The following NKIRAS2 variants were observed in gnomAD, a reference collection of about 807,000 sequenced individuals.
The protein encoded by NKIRAS2 is NFKB inhibitor interacting Ras like 2, also known as NF-kappa-B inhibitor-interacting Ras-like protein 2.
In NKIRAS2, 15 loss-of-function variants were observed where a neutral mutation model predicts 20.7. The observed-to-expected ratio is 0.73, with a 90% confidence interval of 0.49 to 1.12. The LOEUF (loss-of-function observed/expected upper bound fraction) is 1.12. NKIRAS2 is among the 50% of genes most tolerant of loss of function. The pLI is 0.00. For missense variants in NKIRAS2, 196 were observed against 249.6 expected (o/e 0.79, Z 1.45); for synonymous variants, 116 against 101.4 (o/e 1.14, Z -0.87).
In NKIRAS2 at chr17:42,023,949, G is replaced by A. The variant is rs1567980177; in HGVS notation, c.*56G>A. 6.3e-7 allele frequency: 1 copy of A among 1,592,384 alleles called. No homozygotes were observed. The highest frequency in any genetic ancestry group is 8.6e-7 in the Non-Finnish European group (1 of 1,168,914). ...CCCCATTTCAGTGTCTGGGGCTCTG[G>A]TAGATGTGTTGAGGGCAAAGTAGAG... On this transcript the variant is annotated 3_prime_UTR_variant, in exon 4 of 4. Transcript: ENST00000393885.
At chr17:42,021,380 G>A (rs2052444792) in intron 1 of NKIRAS2, 184 bp from the exon 2 acceptor site, 1 of 567,852 alleles carries the variant, frequency 1.8e-6, no homozygotes, top group Non-Finnish European at 3.2e-6. Flanking sequence ...GGATGGTGCT[G>A]AAACCCTGGA....
In NKIRAS2 at chr17:42,023,962, G is replaced by T; in HGVS notation, c.*69G>T. 6.4e-7 allele frequency: 1 copy of T among 1,571,926 alleles called. No individual in the cohort carries two copies. Among genetic ancestry groups the T allele is most frequent in the East Asian group, 2.2e-5 (1 of 44,448 alleles). On this transcript the variant is annotated 3_prime_UTR_variant, in exon 4 of 4. Transcript: ENST00000393885. ...TCTGGGGCTCTGGTAGATGTGTTGAGGGCAAAGTAGAGGACAAGCTGTCTT... is the reference window on the plus strand; with the variant it reads ...TCTGGGGCTCTGGTAGATGTGTTGATGGCAAAGTAGAGGACAAGCTGTCTT...
upstream of NKIRAS2, among the ~76,000 whole-genome samples, chr17:42,018,139 T>C (rs1356014747): frequency 6.6e-6 from 1 of 152,102 alleles, no homozygotes; most frequent in Non-Finnish European, 1.5e-5. Context: ...CCCTGGAGTT[T>C]ATAAGGAAGC....
chr17:42,023,840 T>G lies in NKIRAS2; in HGVS notation c.523T>G (p.Ser175Ala). Residue 175 changes from serine to alanine, a missense_variant, in exon 4 of 4, where the codon TCT (serine) becomes GCT (alanine). Coordinates refer to ENST00000393885, the MANE Select transcript of NKIRAS2 (RefSeq NM_017595.6). ...CAAGATGACGCAACCCCAGAGCAAGTCTGCCTTCCCCCTCAGCCGGAAGAA... is the reference window on the plus strand; with the variant it reads ...CAAGATGACGCAACCCCAGAGCAAGGCTGCCTTCCCCCTCAGCCGGAAGAA... ...ASKMTQPQSK[S>A]AFPLSRKNKG... 1 of 1,614,138 alleles carries G rather than the reference T, an allele frequency of 6.2e-7. No homozygotes were observed. The highest frequency in any genetic ancestry group is 1.1e-5 in the South Asian group (1 of 91,082).
chr17:42,018,039 C>G (rs1227691515), upstream of NKIRAS2, among the ~76,000 whole-genome samples: 1 of 152,152 alleles, frequency 6.6e-6, no homozygotes, highest in Non-Finnish European at 1.5e-5. Context: ...GACGCTGACC[C>G]TTTTACAAGG....
intron 2 of NKIRAS2, 159 bp downstream of exon 2, chr17:42,021,830 A>G: frequency 1.3e-6 from 1 of 787,198 alleles, no homozygotes. Flanking sequence ...ACACTGAACA[A>G]ATACGGAGGG....
chr17:42,025,293 CCTT>C lies in NKIRAS2; in HGVS notation c.*1404_*1406del, dbSNP rs782491005. On this transcript the variant is annotated 3_prime_UTR_variant, in exon 4 of 4. Transcript: ENST00000393885. ...TGGACAAGGTGCTCCTCTGGCCCCTCCTTCTTACCTCAGATGCCTGAACAGAAC... is the reference window on the plus strand; with the variant it reads ...TGGACAAGGTGCTCCTCTGGCCCCTCCTTACCTCAGATGCCTGAACAGAAC... 4.6e-5 allele frequency: 7 copies of C among 152,726 alleles called. No individual in the cohort carries two copies. Among genetic ancestry groups the C allele is most frequent in the South Asian group, 2.1e-4 (1 of 4,836 alleles). 9.5% of individuals were successfully genotyped at this position (152,726 alleles called of 1,614,324 possible). A position where few individuals can be genotyped will look rare whatever the true frequency, so the allele number is the denominator to read the frequency against.
upstream of NKIRAS2, chr17:42,017,612 C>T: frequency 1.5e-6 from 1 of 667,146 alleles, no homozygotes; most frequent in Non-Finnish European, 2.5e-6. Flanking sequence ...GGGCGGGAGC[C>T]CAGGGGCTGT....
At chr17:42,019,104 C>G (rs1555652552), upstream of NKIRAS2, among the ~76,000 whole-genome samples, 1 of 152,128 alleles carries the variant, frequency 6.6e-6, no homozygotes, top group Non-Finnish European at 1.5e-5. Flanking sequence ...AGGCGCTCAT[C>G]ATTTTTTAAA....
upstream of NKIRAS2, among the ~76,000 whole-genome samples, chr17:42,019,316 C>T (rs797039130): frequency 3.9e-5 from 6 of 152,142 alleles, no homozygotes; most frequent in African/African-American, 1.4e-4. Context: ...GAAAAAAAAA[C>T]TTGGAATACA....
intron 3 of NKIRAS2, chr17:42,023,033 C>T (rs1555653410): frequency 3.2e-6 from 1 of 307,902 alleles, no homozygotes; most frequent in East Asian, 9.1e-5. Context: ...GACAGGGTCT[C>T]ACTCTGCCAC....
chr17:42,022,492 G>A lies in NKIRAS2; in HGVS notation c.188G>A (p.Arg63Gln), dbSNP rs373712139. ...GAGCAGGTGCGTTTCTATGACACCCGGGGGCTCCGAGATGGGGCCGAACTG... is the reference window on the plus strand; with the variant it reads ...GAGCAGGTGCGTTTCTATGACACCCAGGGGCTCCGAGATGGGGCCGAACTG... Reference protein sequence around the residue: ...VREQVRFYDTRGLRDGAELPR... With the variant: ...VREQVRFYDTQGLRDGAELPR... The change falls in exon 3 of 4, where the codon CGG (arginine) becomes CAG (glutamine). Residue 63 changes from arginine (R) to glutamine (Q), a missense_variant. Physicochemically the swap from Arg to Gln is conservative, Grantham distance 43. Coordinates refer to ENST00000393885, the MANE Select transcript of NKIRAS2 (RefSeq NM_017595.6). The A allele has an allele frequency of 1.8e-5, 29 of 1,613,176 alleles. No homozygotes were observed. Among genetic ancestry groups the A allele is most frequent in the Admixed American group, 5.0e-5 (3 of 59,958 alleles).
intron 3 of NKIRAS2, 99 bp downstream of exon 3, chr17:42,022,739 G>A: frequency 6.9e-7 from 1 of 1,447,640 alleles, no homozygotes; most frequent in Non-Finnish European, 9.3e-7. Flanking sequence ...TTCACTCCAA[G>A]GTGAGTTAGG....
rs2052542647 is a variant in NKIRAS2, at chr17:42,024,993, A to C, written c.*1100A>C. ...TTAGATGATCTCCTAGATCCTTTCC[A>C]GTTCTCTTGATTTCGTAAAGCCAAT... On this transcript the variant is annotated 3_prime_UTR_variant, in exon 4 of 4. Transcript: ENST00000393885. The C allele has an allele frequency of 6.6e-6, 1 of 152,468 alleles. No homozygotes were observed. Among genetic ancestry groups the C allele is most frequent in the African/African-American group, 2.4e-5 (1 of 41,392 alleles). 9.4% of individuals were successfully genotyped at this position (152,468 alleles called of 1,614,324 possible).
intron 2 of NKIRAS2, chr17:42,021,904 A>G (rs2143439942): frequency 2.8e-6 from 2 of 708,688 alleles, no homozygotes; most frequent in Middle Eastern, 2.4e-4. Flanking sequence ...TTAGCATGGA[A>G]TTAGCATAAA....
intron 3 of NKIRAS2, 125 bp downstream of exon 3, chr17:42,022,765 G>A (rs2052488532): frequency 3.4e-6 from 4 of 1,179,852 alleles, no homozygotes; most frequent in South Asian, 3.0e-5. Context: ...GAGGTGGGGT[G>A]GAGGCCACTG....
chr17:42,022,432 A>G lies in NKIRAS2; in HGVS notation c.128A>G (p.Tyr43Cys). ...ATGATCGAGACGCAGGAGGACATCT[A>G]CGTGGGCTCCATTGAGACAGACCGG... ...SEMIETQEDI[Y>C]VGSIETDRGV... The change falls in exon 3 of 4, where the codon TAC becomes TGC. Residue 43 changes from tyrosine (Y) to cysteine (C), a missense_variant. Coordinates refer to ENST00000393885, the MANE Select transcript of NKIRAS2 (RefSeq NM_017595.6). The G allele has an allele frequency of 1.3e-6, 2 of 1,598,968 alleles. No homozygotes were observed. Among genetic ancestry groups the G allele is most frequent in the Non-Finnish European group, 1.7e-6 (2 of 1,167,952 alleles).
upstream of NKIRAS2, among the ~76,000 whole-genome samples, chr17:42,017,866 C>G (rs1181187365): frequency 6.6e-6 from 1 of 152,138 alleles, no homozygotes; most frequent in Non-Finnish European, 1.5e-5. Flanking sequence ...GTGTCCACAG[C>G]TTCTTCCCGG....
upstream of NKIRAS2, among the ~76,000 whole-genome samples, chr17:42,019,392 C>A (rs1301038032): frequency 4.6e-5 from 7 of 152,222 alleles, no homozygotes; most frequent in African/African-American, 2.4e-5. Context: ...GCCAGAGTGA[C>A]CTTCCTCAGG....
Sources: allele counts gnomAD v4.1 joint callset (sites outside exome capture counted in the v4.1 genomes callset), GRCh38; gene constraint gnomAD v4.1.1; transcripts MANE v1.5; gene names NCBI Gene and HGNC (gene_info 2026-07-23, HGNC 2026-07-21).